Variants in CDH4 observed in about 807,000 individuals in gnomAD.
The protein encoded by CDH4 is cadherin 4.
Under a neutral mutation model 86.0 loss-of-function variants are expected in CDH4, and 33 were observed. That is an observed-to-expected ratio of 0.38 (90% CI 0.29 to 0.51). The LOEUF (loss-of-function observed/expected upper bound fraction) is 0.51, where lower values mean the gene tolerates loss of function less well. Among genes scored for constraint, CDH4 ranks in the 20% least tolerant of loss-of-function variants. CDH4 has a pLI of 0.86. For synonymous variants in CDH4, 555 were observed against 549.4 expected (o/e 1.01, Z -0.14); for missense variants, 1,114 against 1,307.4 (o/e 0.85, Z 2.28).
intron 2 of CDH4, among the ~76,000 whole-genome samples, chr20:61,329,606 G>A (rs1239685222): frequency 2.0e-5 from 3 of 151,190 alleles, no homozygotes; most frequent in East Asian, 1.9e-4. Flanking sequence ...ACATCAGAAA[G>A]CTGAGTGAGC....
intron 2 of CDH4, among the ~76,000 whole-genome samples, chr20:61,288,745 C>T (rs566471313): frequency 1.3e-5 from 2 of 152,358 alleles, no homozygotes; most frequent in African/African-American, 2.4e-5. Context: ...GATTCGAGCA[C>T]GCCTGCCCGG....
intron 2 of CDH4, among the ~76,000 whole-genome samples, chr20:61,316,199 C>G (rs1477250968): frequency 6.6e-6 from 1 of 152,200 alleles, no homozygotes; most frequent in Non-Finnish European, 1.5e-5. Context: ...TGGAAGTTTA[C>G]TTCCCAAACA....
chr20:61,388,697 C>G (rs1568825456), intron 2 of CDH4, among the ~76,000 whole-genome samples: 2 of 152,194 alleles, frequency 1.3e-5, no homozygotes, highest in Admixed American at 1.3e-4. Flanking sequence ...GCACAGACAG[C>G]AGGGGGATGC....
intron 2 of CDH4, among the ~76,000 whole-genome samples, chr20:61,526,175 CCT>C (rs1555860342): frequency 3.9e-5 from 6 of 152,054 alleles, no homozygotes; most frequent in Non-Finnish European, 7.4e-5. Flanking sequence ...TGCCCCTCCC[CCT>C]CCCCGGGTGG....
chr20:61,279,827 G>T (rs1193490704), intron 2 of CDH4, among the ~76,000 whole-genome samples: 9 of 152,196 alleles, frequency 5.9e-5, no homozygotes, highest in Non-Finnish European at 1.0e-4. Flanking sequence ...CTGCCTGCCG[G>T]CTGGGGCTGT....
intron 2 of CDH4, among the ~76,000 whole-genome samples, chr20:61,289,257 C>T (rs2084308844): frequency 6.6e-6 from 1 of 152,192 alleles, no homozygotes; most frequent in East Asian, 1.9e-4. Context: ...TGTCAGCTGT[C>T]AGCACGCTCC....
intron 2 of CDH4, among the ~76,000 whole-genome samples, chr20:61,287,175 G>A (rs982330134): frequency 5.3e-5 from 8 of 152,182 alleles, no homozygotes; most frequent in African/African-American, 1.7e-4. Flanking sequence ...GTGAAGTGAG[G>A]GGAGCTTGTG....
At chr20:61,452,008 C>T (rs1334174685) in intron 2 of CDH4, among the ~76,000 whole-genome samples, 2 of 152,248 alleles carry the variant, frequency 1.3e-5, no homozygotes, top group Non-Finnish European at 2.9e-5. Flanking sequence ...TCCACCCCTT[C>T]AGTGTCCTTC....
At chr20:61,565,193 T>TTGGTGATGGGGTGGTGGTGGTGGTGG (rs2086265315) in intron 2 of CDH4, among the ~76,000 whole-genome samples, 1 of 83,466 alleles carries the variant, frequency 1.2e-5, no homozygotes, top group Non-Finnish European at 2.5e-5. Context: ...GGTGGTCCTC[T>TTGGTGATGGGGTGGTGGTGGTGGTGG]TGGTGGTGGT....
chr20:61,425,256 G>A (rs566977789), intron 2 of CDH4, among the ~76,000 whole-genome samples: 1 of 152,256 alleles, frequency 6.6e-6, no homozygotes, highest in East Asian at 1.9e-4. Context: ...ACCACAGAAG[G>A]CTCCGGGAAC....
chr20:61,519,771 C>CGTG (rs1192049696), intron 2 of CDH4, among the ~76,000 whole-genome samples: 1 of 152,220 alleles, frequency 6.6e-6, no homozygotes, highest in Non-Finnish European at 1.5e-5. Flanking sequence ...AGGCAGACTG[C>CGTG]GTGGTGGTGG....
At chr20:61,653,875 G>C (rs1332573052) in intron 2 of CDH4, among the ~76,000 whole-genome samples, 2 of 137,532 alleles carry the variant, frequency 1.5e-5, no homozygotes, top group African/African-American at 2.6e-5. Context: ...ATGGCGGCCG[G>C]GCAGAGACGC....
intron 2 of CDH4, among the ~76,000 whole-genome samples, chr20:61,357,412 C>CCA (rs2084757087): frequency 1.3e-5 from 2 of 152,048 alleles, no homozygotes. Context: ...CATGTTGCCG[C>CCA]CACACACACT....
At chr20:61,821,938 TGG>T (rs1981064942) in intron 4 of CDH4, among the ~76,000 whole-genome samples, 1 of 152,248 alleles carries the variant, frequency 6.6e-6, no homozygotes, top group South Asian at 2.1e-4. Flanking sequence ...CCTCCTTGTG[TGG>T]GGTGCAGACA....
At chr20:61,818,667 A>C (rs1409888865) in intron 4 of CDH4, among the ~76,000 whole-genome samples, 4 of 147,548 alleles carry the variant, frequency 2.7e-5, no homozygotes, top group African/African-American at 9.9e-5. Flanking sequence ...AATAGAACGA[A>C]GTCTCTTAAA....
chr20:61,804,171 C>A (rs550156161), intron 4 of CDH4, among the ~76,000 whole-genome samples: 1 of 152,210 alleles, frequency 6.6e-6, no homozygotes, highest in Non-Finnish European at 1.5e-5. Context: ...GCCTGCATGG[C>A]GGCCTGAGAG....
chr20:61,774,413 C>A (rs2088814745), intron 4 of CDH4, among the ~76,000 whole-genome samples: 1 of 152,226 alleles, frequency 6.6e-6, no homozygotes, highest in Non-Finnish European at 1.5e-5. Context: ...GTGCCGTGGC[C>A]CCCATGCTGC....
At chr20:61,607,675 A>G (rs2086655809) in intron 2 of CDH4, among the ~76,000 whole-genome samples, 1 of 152,188 alleles carries the variant, frequency 6.6e-6, no homozygotes, top group Non-Finnish European at 1.5e-5. Flanking sequence ...AGGGCCAAAG[A>G]CCCACAACCT....
intron 4 of CDH4, among the ~76,000 whole-genome samples, chr20:61,835,240 T>G (rs1341550423): frequency 6.6e-6 from 1 of 152,152 alleles, no homozygotes; most frequent in African/African-American, 2.4e-5. Context: ...TTTTATTTGT[T>G]TTTTATTTTC....
Sources: allele counts gnomAD v4.1 joint callset (sites outside exome capture counted in the v4.1 genomes callset), GRCh38; gene constraint gnomAD v4.1.1; transcripts MANE v1.5; gene names NCBI Gene and HGNC (gene_info 2026-07-23, HGNC 2026-07-21).